Variants in SRPK2 observed in about 807,000 individuals in gnomAD.
The protein encoded by SRPK2 is SRSF protein kinase 2, also known as SFRS protein kinase 2.
Under a neutral mutation model 90.8 loss-of-function variants are expected in SRPK2, and 21 were observed. The ratio of observed to expected loss-of-function variants is 0.23; its 90% CI spans 0.16 to 0.33. The LOEUF (loss-of-function observed/expected upper bound fraction) is 0.33, where lower values mean the gene tolerates loss of function less well. Among genes scored for constraint, SRPK2 ranks in the 10% least tolerant of loss-of-function variants. The pLI is 1.00. For synonymous variants in SRPK2, 288 were observed against 311.1 expected, an observed-to-expected ratio of 0.93 and a Z score of 0.78; for missense variants, 620 against 869.0, an observed-to-expected ratio of 0.71 and a Z score of 3.60.
intron 2 of SRPK2, among the ~76,000 whole-genome samples, chr7:105,309,821 G>A (rs1379142331): frequency 6.6e-6 from 1 of 152,148 alleles, no homozygotes; most frequent in African/African-American, 2.4e-5. Flanking sequence ...TATCCATTCT[G>A]CAGACAGATA....
At chr7:105,377,420 CGG>C (rs1481105051) in intron 2 of SRPK2, among the ~76,000 whole-genome samples, 3 of 149,158 alleles carry the variant, frequency 2.0e-5, no homozygotes, top group Admixed American at 6.7e-5. Flanking sequence ...AGGCTGGGCG[CGG>C]TGGCTCATGC....
At chr7:105,170,734 G>GGGAGGAAGGAAGGAA in intron 3 of SRPK2, among the ~76,000 whole-genome samples, 1 of 84,212 alleles carries the variant, frequency 1.2e-5, no homozygotes, top group Non-Finnish European at 2.5e-5. Context: ...AGGAAAGAAA[G>GGGAGGAAGGAAGGAA]GGAAGAAAGG....
chr7:105,338,797 G>A (rs1648334234), intron 2 of SRPK2, among the ~76,000 whole-genome samples: 1 of 152,104 alleles, frequency 6.6e-6, no homozygotes, highest in Non-Finnish European at 1.5e-5. Context: ...GTTTGGAACT[G>A]TTTATTTTGA....
chr7:105,256,011 T>C (rs921552862), intron 2 of SRPK2, among the ~76,000 whole-genome samples: 3 of 152,174 alleles, frequency 2.0e-5, no homozygotes, highest in Non-Finnish European at 2.9e-5. Context: ...TAATACCTTA[T>C]TGAATTTTGT....
intron 2 of SRPK2, among the ~76,000 whole-genome samples, chr7:105,343,865 C>T (rs200283278): frequency 3.3e-5 from 5 of 152,122 alleles, no homozygotes; most frequent in African/African-American, 7.2e-5. Context: ...TGGGTTCAAG[C>T]GATTCTCCTG....
At chr7:105,393,429 G>T (rs545514381), upstream of SRPK2, among the ~76,000 whole-genome samples, 136 of 151,460 alleles carry the variant, frequency 9.0e-4, no homozygotes, top group Non-Finnish European at 1.6e-3. Context: ...ACCGCATAAG[G>T]AGGAGCTTTT....
At position 105,118,161 on chromosome 7, in the gene SRPK2, T is replaced by C; in HGVS notation, c.1916-139A>G. On this transcript the variant is annotated intron_variant, in intron 15 of 15. Coordinates refer to ENST00000393651, the MANE Select transcript of SRPK2 (RefSeq NM_182692.3). ...CAGCAACAACAAAGAACACCAGCTT[T>C]TCCCCACTAAGCAATAATCATTACA... 5 of 772,054 alleles carry C rather than the reference T, an allele frequency of 6.5e-6. No individual in the cohort carries two copies. The South Asian group carries it at 9.3e-5, about 14-fold the overall frequency. The allele number at this position is 772,054 out of a possible 1,614,324, so 47.8% of individuals were successfully genotyped here. A position where few individuals can be genotyped will look rare whatever the true frequency, so the allele number is the denominator to read the frequency against.
intron 2 of SRPK2, among the ~76,000 whole-genome samples, chr7:105,358,707 A>T (rs1818081881): frequency 1.3e-5 from 2 of 152,102 alleles, no homozygotes; most frequent in African/African-American, 4.8e-5. Context: ...AAGAAAGAAA[A>T]AATCATAAGG....
At chr7:105,346,858 A>T (rs1259943060) in intron 2 of SRPK2, among the ~76,000 whole-genome samples, 3 of 16,896 alleles carry the variant, frequency 1.8e-4, no homozygotes, top group Non-Finnish European at 8.0e-4. Flanking sequence ...CTCATTTGTT[A>T]AAAAAAAAAA....
intron 7 of SRPK2, among the ~76,000 whole-genome samples, chr7:105,158,557 T>C (rs908833429): frequency 2.0e-5 from 3 of 152,124 alleles, no homozygotes; most frequent in Non-Finnish European, 4.4e-5. Context: ...CTGGCCAAAT[T>C]CACCTTCTTA....
intron 2 of SRPK2, among the ~76,000 whole-genome samples, chr7:105,296,022 C>T (rs7780006): frequency 0.44 from 66,599 of 151,976 alleles, 15,863 homozygotes; most frequent in South Asian, 0.53. Flanking sequence ...TGGGGTTAAA[C>T]TGGGTTGCTA....
intron 2 of SRPK2, among the ~76,000 whole-genome samples, chr7:105,384,929 T>G (rs893490696): frequency 2.6e-5 from 4 of 151,016 alleles, no homozygotes; most frequent in Non-Finnish European, 2.9e-5. Context: ...CAGGCTGGAG[T>G]GCAGTGGCGC....
intron 2 of SRPK2, among the ~76,000 whole-genome samples, chr7:105,278,750 GGAAGGCA>G (rs965256722): frequency 3.1e-4 from 47 of 151,626 alleles, no homozygotes; most frequent in African/African-American, 1.1e-3. Flanking sequence ...GGGGAAAAGG[GGAAGGCA>G]GAAGGCGGAA....
At chr7:105,256,307 G>A (rs1803300398) in intron 2 of SRPK2, among the ~76,000 whole-genome samples, 1 of 152,132 alleles carries the variant, frequency 6.6e-6, no homozygotes, top group South Asian at 2.1e-4. Flanking sequence ...AGGCTGTTTT[G>A]AGTTACTGTT....
intron 2 of SRPK2, among the ~76,000 whole-genome samples, chr7:105,338,532 C>G (rs2131840145): frequency 6.6e-6 from 1 of 152,286 alleles, no homozygotes; most frequent in South Asian, 2.1e-4. Context: ...CCTGGGATTA[C>G]AGGCATAAGC....
At chr7:105,375,824 G>A (rs1054288209) in intron 2 of SRPK2, among the ~76,000 whole-genome samples, 6 of 151,824 alleles carry the variant, frequency 4.0e-5, no homozygotes, top group Non-Finnish European at 7.4e-5. Context: ...ATTCCAGAAC[G>A]GTATGGAGAA....
chr7:105,251,845 G>C (rs141674636), intron 2 of SRPK2, among the ~76,000 whole-genome samples: 1 of 152,290 alleles, frequency 6.6e-6, no homozygotes, highest in African/African-American at 2.4e-5. Flanking sequence ...GCTCTAGCTA[G>C]ACTGAATGGC....
intron 2 of SRPK2, chr7:105,206,115 C>A (rs1796208148): frequency 1.1e-5 from 5 of 452,838 alleles, no homozygotes; most frequent in South Asian, 8.4e-5. Context: ...CGCTGCCCTC[C>A]AGCCACTATA....
intron 2 of SRPK2, among the ~76,000 whole-genome samples, chr7:105,247,957 C>T (rs1801938499): frequency 6.6e-6 from 1 of 151,410 alleles, no homozygotes; most frequent in Admixed American, 6.6e-5. Flanking sequence ...CGGGTTCAAG[C>T]GAATCTCCTG....
Sources: allele counts gnomAD v4.1 joint callset (sites outside exome capture counted in the v4.1 genomes callset), GRCh38; gene constraint gnomAD v4.1.1; transcripts MANE v1.5; gene names NCBI Gene and HGNC (gene_info 2026-07-23, HGNC 2026-07-21).